FAT3: variants seen among roughly 807,000 people sequenced by gnomAD.
The protein encoded by FAT3 is protocadherin Fat 3.
A neutral mutation model predicts 310.2 loss-of-function variants in FAT3; 95 were observed. The observed-to-expected ratio is 0.31, with a 90% confidence interval of 0.26 to 0.36. The LOEUF is 0.36. Among genes scored for constraint, FAT3 ranks in the 10% least tolerant of loss-of-function variants. The pLI is 1.00. For synonymous variants in FAT3, 2,314 were observed against 2,192.9 expected (o/e 1.06, Z -1.54); for missense variants, 5,408 against 5,715.6 (o/e 0.95, Z 1.74).
intron 2 of FAT3, among the ~76,000 whole-genome samples, chr11:92,487,096 G>T (rs372716200): frequency 5.9e-5 from 9 of 152,138 alleles, no homozygotes; most frequent in East Asian, 5.8e-4. Flanking sequence ...TCCAGAATGG[G>T]GTCCCCACTT....
chr11:92,889,913 CA>C (rs1379074855), intron 27 of FAT3, 22 bp downstream of exon 27: 1 of 718,026 alleles, frequency 1.4e-6, no homozygotes, highest in Non-Finnish European at 2.6e-6. Context: ...GCAACCCTAG[CA>C]TAACTTTTTG....
At chr11:92,403,500 A>T (rs140882565) in intron 2 of FAT3, 94 of 152,334 alleles carry the variant, frequency 6.2e-4, no homozygotes, top group African/African-American at 2.0e-3. Flanking sequence ...TGCAAAATGT[A>T]AATGTGATAG....
chr11:92,454,140 A>G (rs1413384093), intron 2 of FAT3, among the ~76,000 whole-genome samples: 1 of 152,224 alleles, frequency 6.6e-6, no homozygotes. Context: ...CTACTAAGTC[A>G]TGAAAATCCA....
Position 92,837,673 on chromosome 11 carries a change from A to C in FAT3, c.10235A>C (p.Tyr3412Ser), listed in dbSNP as rs921829124. ...KKLDRERVSG[Y>S]SLLVQAVDSG... ...TTTGTACCTTGGCAGGTGTCTGGAT[A>C]CTCTCTGCTTGTCCAGGCCGTAGAC... Residue 3412 changes from tyrosine (Y) to serine (S), a missense_variant, in exon 17 of 28, where the codon TAC becomes TCC. Physicochemically the swap from Tyr to Ser is moderately radical, Grantham distance 144. Transcript: ENST00000525166. The C allele has an allele frequency of 1.9e-6, 3 of 1,613,484 alleles. No homozygotes were observed. Among genetic ancestry groups the C allele is most frequent in the Non-Finnish European group, 2.5e-6 (3 of 1,179,832 alleles).
intron 2 of FAT3, among the ~76,000 whole-genome samples, chr11:92,493,203 A>G (rs1209448436): frequency 1.3e-5 from 2 of 152,062 alleles, no homozygotes; most frequent in Non-Finnish European, 2.9e-5. Flanking sequence ...TCCTAGCTTG[A>G]ATTCTCAGAA....
intron 4 of FAT3, among the ~76,000 whole-genome samples, chr11:92,758,841 TAGAC>T (rs936296267): frequency 1.3e-5 from 2 of 151,994 alleles, no homozygotes; most frequent in Admixed American, 6.6e-5. Context: ...TATAGATAGT[TAGAC>T]AGAGGGATGC....
At chr11:92,349,138 T>C (rs1256755258) in intron 1 of FAT3, among the ~76,000 whole-genome samples, 1 of 152,196 alleles carries the variant, frequency 6.6e-6, no homozygotes, top group Non-Finnish European at 1.5e-5. Flanking sequence ...GCAAAATTAC[T>C]GTTACAGGAA....
chr11:92,335,838 T>C (rs545557341), intron 1 of FAT3, among the ~76,000 whole-genome samples: 28 of 152,246 alleles, frequency 1.8e-4, no homozygotes, highest in Admixed American at 1.6e-3. Context: ...GAAGGAGATA[T>C]ATTAGGACAA....
chr11:92,279,106 A>G (rs932698949), intron 1 of FAT3, among the ~76,000 whole-genome samples: 1 of 152,216 alleles, frequency 6.6e-6, no homozygotes, highest in East Asian at 1.9e-4. Context: ...ATATTATTTT[A>G]AATTACATTA....
intron 1 of FAT3, among the ~76,000 whole-genome samples, chr11:92,310,047 A>G (rs1318043058): frequency 6.6e-6 from 1 of 152,074 alleles, no homozygotes; most frequent in East Asian, 1.9e-4. Flanking sequence ...CTTGTTTTCA[A>G]AGAAAAACAA....
At chr11:92,245,925 A>T (rs1290383688) in intron 1 of FAT3, among the ~76,000 whole-genome samples, 3 of 152,070 alleles carry the variant, frequency 2.0e-5, no homozygotes, top group Admixed American at 6.6e-5. Context: ...GACCCAGGGG[A>T]GGGGAGTGTC....
At chr11:92,664,252 G>T (rs1942885835) in intron 3 of FAT3, among the ~76,000 whole-genome samples, 1 of 152,174 alleles carries the variant, frequency 6.6e-6, no homozygotes. Flanking sequence ...TACATAAAGT[G>T]ACTAGTTTAG....
intron 3 of FAT3, among the ~76,000 whole-genome samples, chr11:92,655,710 A>G (rs1942554859): frequency 6.6e-6 from 1 of 152,082 alleles, no homozygotes; most frequent in Non-Finnish European, 1.5e-5. Context: ...TGCCTTGAAT[A>G]TGGCTCTTAC....
chr11:92,428,370 C>T (rs1222444172), intron 2 of FAT3, among the ~76,000 whole-genome samples: 2 of 148,676 alleles, frequency 1.3e-5, no homozygotes, highest in Admixed American at 6.7e-5. Context: ...TTCTTCATGC[C>T]TCTAACTCCT....
chr11:92,369,769 C>T (rs887873444), intron 2 of FAT3, among the ~76,000 whole-genome samples: 6 of 152,094 alleles, frequency 3.9e-5, no homozygotes, highest in Non-Finnish European at 8.8e-5. Context: ...ATCGCTTGAA[C>T]CTGGGAGACA....
At chr11:92,680,591 G>A (rs1326018223) in intron 3 of FAT3, among the ~76,000 whole-genome samples, 1 of 152,052 alleles carries the variant, frequency 6.6e-6, no homozygotes, top group African/African-American at 2.4e-5. Context: ...AGCTTTTGGG[G>A]ATCTTTGTTG....
chr11:92,859,091 T>TG (rs1373790330), intron 20 of FAT3, 74 bp from the exon 21 acceptor site: 20 of 1,426,950 alleles, frequency 1.4e-5, no homozygotes, highest in Non-Finnish European at 1.8e-5. Context: ...TGGTGGTTGT[T>TG]GGGTGATTTC....
intron 1 of FAT3, among the ~76,000 whole-genome samples, chr11:92,332,921 C>G (rs1267306429): frequency 6.6e-6 from 1 of 152,114 alleles, no homozygotes; most frequent in Non-Finnish European, 1.5e-5. Flanking sequence ...TTTTCCCTCC[C>G]TTAAGTTCCT....
chr11:92,250,466 A>G lies in FAT3; in HGVS notation c.-18+25292A>G, dbSNP rs149272397. Reference sequence around the variant, plus strand: ...TTAATGCCCAGCGTCCTCTTAAATAACAAGTCAGTCAACTTTGTAGGTTGG... The same window carrying G: ...TTAATGCCCAGCGTCCTCTTAAATAGCAAGTCAGTCAACTTTGTAGGTTGG... On this transcript the variant is annotated intron_variant, in intron 1 of 27. Coordinates refer to ENST00000525166, the MANE Select transcript of FAT3 (RefSeq NM_001367949.2). Among the ~76,000 whole-genome samples, 312 of 152,276 alleles carry G rather than the reference A, an allele frequency of 2.0e-3. 1 individual carries two copies. The highest frequency in any genetic ancestry group is 6.9e-3 in the African/African-American group (286 of 41,574).
Sources: gnomAD v4.1 joint callset for allele counts (sites outside exome capture counted in the v4.1 genomes callset) on GRCh38, gnomAD v4.1.1 for gene constraint, MANE v1.5 for transcripts, NCBI Gene and HGNC (gene_info 2026-07-23, HGNC 2026-07-21) for gene names.